The following DPP3 variants were observed in gnomAD, a reference collection of about 807,000 sequenced individuals.
DPP3 encodes the protein DPP III.
A neutral mutation model predicts 89.8 loss-of-function variants in DPP3; 64 were observed. The ratio of observed to expected loss-of-function variants is 0.71; its 90% CI spans 0.58 to 0.88. The LOEUF (loss-of-function observed/expected upper bound fraction) is 0.88, where lower values mean the gene tolerates loss of function less well. Among genes scored for constraint, DPP3 ranks in the 40% least tolerant of loss-of-function variants. The pLI is 0.00. For synonymous variants in DPP3, 377 were observed against 404.3 expected, an observed-to-expected ratio of 0.93 and a Z score of 0.81; for missense variants, 835 against 972.5, an observed-to-expected ratio of 0.86 and a Z score of 1.88.
At chr11:66,497,536 G>A in intron 16 of DPP3, 59 bp downstream of exon 16, 3 of 1,554,974 alleles carry the variant, frequency 1.9e-6, no homozygotes, top group Non-Finnish European at 2.6e-6. Context: ...GGCACTGAGT[G>A]TTACCAGGCA....
chr11:66,493,715 T>G (rs1196108193), intron 12 of DPP3, 82 bp downstream of exon 12: 1 of 1,419,064 alleles, frequency 7.0e-7, no homozygotes, highest in African/African-American at 1.4e-5. Context: ...GTGAAGCTGC[T>G]CCAGCCTCTG....
intron 6 of DPP3, among the ~76,000 whole-genome samples, chr11:66,490,734 T>C (rs1441113768): frequency 6.6e-6 from 1 of 151,914 alleles, no homozygotes; most frequent in Non-Finnish European, 1.5e-5. Context: ...ATATTTTTGT[T>C]TTTTAGTTTT....
At chr11:66,503,305 G>A (rs1855724822) in intron 16 of DPP3, among the ~76,000 whole-genome samples, 1 of 152,166 alleles carries the variant, frequency 6.6e-6, no homozygotes, top group African/African-American at 2.4e-5. Flanking sequence ...GGTCATACCT[G>A]CCTTGTCTAC....
chr11:66,498,137 A>G (rs374271550), intron 16 of DPP3, among the ~76,000 whole-genome samples: 2 of 150,438 alleles, frequency 1.3e-5, no homozygotes, highest in East Asian at 2.0e-4. Flanking sequence ...TCTGTCGCCC[A>G]GGCTGGAGTG....
chr11:66,489,926 TG>T lies in DPP3; in HGVS notation c.668-1326del, dbSNP rs539440474. The stretch of plus-strand genomic sequence containing the variant: ...CAGGCAGAAGCCTGCTCACCTTGTG[TG>T]ACCTGGCCTAAGCACATGGTGTCCC... On this transcript the variant is annotated intron_variant, in intron 6 of 17. Transcript: ENST00000531863. Among the ~76,000 whole-genome samples, 159 of 152,318 alleles carry T rather than the reference TG, an allele frequency of 1.0e-3. 1 individual carries two copies. The highest frequency in any genetic ancestry group is 1.6e-3 in the Non-Finnish European group (109 of 68,024).
At chr11:66,492,938 C>A in intron 10 of DPP3, 28 bp downstream of exon 10, 1 of 1,597,152 alleles carries the variant, frequency 6.3e-7, no homozygotes, top group Non-Finnish European at 8.5e-7. Context: ...AGCCCCCGAG[C>A]CCCAGAAACC....
At chr11:66,495,862 T>A in intron 15 of DPP3, 112 bp downstream of exon 15, 1 of 1,487,130 alleles carries the variant, frequency 6.7e-7, no homozygotes, top group Non-Finnish European at 9.0e-7. Context: ...CTGGGTTTAA[T>A]GCTAGACTCC....
In DPP3 at chr11:66,491,255, C is replaced by A; in HGVS notation, c.670C>A (p.Pro224Thr). The change falls in exon 7 of 18, where the codon CCT becomes ACT. Residue 224 changes from proline (P) to threonine (T), a missense_variant and splice_region_variant. By Grantham distance (38) the Pro-to-Thr change is conservative. Transcript: ENST00000531863. ...TGAATGACACCTTCTTTCCCCAGAG[C>A]CTTCCCTGGACTCTGAGGTGACTTC... ...VRLASVLGSEPSLDSEVTSKL... is the reference protein window; with the variant it reads ...VRLASVLGSETSLDSEVTSKL... 6.2e-7 allele frequency: 1 copy of A among 1,613,214 alleles called. No homozygotes were observed.
Position 66,495,653 on chromosome 11 carries a change from A to T in DPP3, c.1601A>T (p.Asp534Val), listed in dbSNP as rs201694123. 37 of 1,614,098 alleles carry T rather than the reference A, an allele frequency of 2.3e-5. No homozygotes were observed. In the East Asian group the frequency reaches 8.0e-4, roughly 35 times the overall value. The change falls in exon 15 of 18, where the codon GAT becomes GTT. Residue 534 changes from aspartate to valine, a missense_variant. Asp to Val is a radical substitution (Grantham distance 152). Coordinates refer to ENST00000531863, the MANE Select transcript of DPP3 (RefSeq NM_130443.4). ...VLEIFGFEGA[D>V]AEDVIYVNWL... ...AGGATCTTTGGCTTTGAGGGGGCTG[A>T]TGCGGAGGACGTGATCTACGTGAAC...
At chr11:66,504,526 GAC>G in intron 16 of DPP3, 84 bp from the exon 17 acceptor site, 1 of 1,474,924 alleles carries the variant, frequency 6.8e-7, no homozygotes, top group Non-Finnish European at 9.1e-7. Context: ...GTCCAGGGCT[GAC>G]CACAATCAGC....
chr11:66,489,184 C>T (rs1855312695), intron 6 of DPP3, among the ~76,000 whole-genome samples: 1 of 152,128 alleles, frequency 6.6e-6, no homozygotes, highest in Non-Finnish European at 1.5e-5. Context: ...GGTCTTTGCA[C>T]AATCCATTCC....
In DPP3 at chr11:66,486,663, G is replaced by A. The variant is rs1483613887; in HGVS notation, c.484G>A (p.Gly162Arg). ...TCTGGAGCCAAGGCTTCGACACCTC[G>A]GACTGGGGAAGGAGGTGAGGCCCCT... ...FSLEPRLRHL[G>R]LGKEGITTYF... Residue 162 changes from glycine (G) to arginine (R), a missense_variant, in exon 4 of 18, where the codon GGA becomes AGA. Gly to Arg is a moderately radical substitution (Grantham distance 125). Coordinates refer to ENST00000531863, the MANE Select transcript of DPP3 (RefSeq NM_130443.4). 11 of 1,547,348 alleles carry A rather than the reference G, an allele frequency of 7.1e-6. No homozygotes were observed. Among genetic ancestry groups the A allele is most frequent in the Non-Finnish European group, 7.0e-6 (8 of 1,146,384 alleles).
Position 66,490,781 on chromosome 11 carries a change from T to G in DPP3, c.668-472T>G, listed in dbSNP as rs955161921. On this transcript the variant is annotated intron_variant, in intron 6 of 17. Coordinates refer to ENST00000531863, the MANE Select transcript of DPP3 (RefSeq NM_130443.4). Reference sequence around the variant, plus strand: ...TTGTTTTTTTTGTTTTGTTTTTTTTTTTTTTGAGATGGAGTCTCTTCTCTG... The same window carrying G: ...TTGTTTTTTTTGTTTTGTTTTTTTTGTTTTTGAGATGGAGTCTCTTCTCTG... Among the ~76,000 whole-genome samples, 171 of 151,754 alleles carry G rather than the reference T, an allele frequency of 1.1e-3. 1 individual carries two copies. Among genetic ancestry groups the G allele is most frequent in the East Asian group, 4.5e-3 (23 of 5,160 alleles).
chr11:66,497,324 C>T lies in DPP3; in HGVS notation c.1725C>T (p.Ile575=). 6.2e-7 allele frequency: 1 copy of T among 1,613,956 alleles called. No individual in the cohort carries two copies. Among genetic ancestry groups the T allele is most frequent in the East Asian group, 2.2e-5 (1 of 44,880 alleles). The change falls in exon 16 of 18, where the codon ATC becomes ATT. Residue 575 remains isoleucine, a synonymous_variant. Transcript: ENST00000531863. ...CCCATATGCAGGCCCGGTTTGTGATCCTGAGAGTCTTGCTGGAGGCTGGCG... is the reference window on the plus strand; with the variant it reads ...CCCATATGCAGGCCCGGTTTGTGATTCTGAGAGTCTTGCTGGAGGCTGGCG... ...RQAHMQARFV[I]LRVLLEAGEG...
Position 66,496,962 on chromosome 11 carries a change from G to A in DPP3, c.1699-336G>A, listed in dbSNP as rs1185053120. On this transcript the variant is annotated intron_variant, in intron 15 of 17. Coordinates refer to ENST00000531863, the MANE Select transcript of DPP3 (RefSeq NM_130443.4). ...GGAGAAAGTGTTTGGGGACCCTGGA[G>A]GGGGTAGCTGCTGTCCTCAGCAGGG... 3.3e-5 allele frequency among the ~76,000 whole-genome samples: 5 copies of A among 152,288 alleles called. No individual in the cohort carries two copies. The Middle Eastern group carries it at 0.014, about 414-fold the overall frequency.
intron 17 of DPP3, among the ~76,000 whole-genome samples, chr11:66,506,206 C>T (rs1855796716): frequency 6.6e-6 from 1 of 152,042 alleles, no homozygotes; most frequent in Non-Finnish European, 1.5e-5. Context: ...CCCACCTCAG[C>T]CTCCCAAAGT....
At chr11:66,487,713 G>T (rs1389720269) in intron 5 of DPP3, among the ~76,000 whole-genome samples, 1 of 152,120 alleles carries the variant, frequency 6.6e-6, no homozygotes, top group African/African-American at 2.4e-5. Context: ...TAGTAGAAGT[G>T]CACAGTGTCC....
intron 17 of DPP3, among the ~76,000 whole-genome samples, chr11:66,507,322 C>G (rs1307148689): frequency 6.6e-6 from 1 of 152,020 alleles, no homozygotes; most frequent in East Asian, 1.9e-4. Flanking sequence ...AAAAAATTAG[C>G]CAGGCATGGT....
At chr11:66,482,555 G>A (rs1428681233) in intron 2 of DPP3, 85 bp downstream of exon 2, 13 of 1,542,184 alleles carry the variant, frequency 8.4e-6, no homozygotes, top group African/African-American at 1.4e-5. Flanking sequence ...TCTTTCAAGG[G>A]GTAGGTGGAG....
Sources: allele counts gnomAD v4.1 joint callset (sites outside exome capture counted in the v4.1 genomes callset), GRCh38; gene constraint gnomAD v4.1.1; transcripts MANE v1.5; gene names NCBI Gene and HGNC (gene_info 2026-07-23, HGNC 2026-07-21).